Variants in FAM76B observed in about 807,000 individuals in gnomAD.
FAM76B encodes the protein family with sequence similarity 76 member B.
FAM76B carries 16 observed loss-of-function variants against 51.8 expected under a neutral mutation model. The observed-to-expected ratio is 0.31, with a 90% CI of 0.21 to 0.47. The LOEUF (loss-of-function observed/expected upper bound fraction) is 0.47, where lower values mean the gene tolerates loss of function less well. FAM76B is among the 20% of genes least tolerant of loss of function. The probability of loss-of-function intolerance (pLI) is 1.00; values close to 1 mark genes in which losing one functional copy is unlikely to be tolerated. For missense variants in FAM76B, 342 were observed against 392.6 expected, an observed-to-expected ratio of 0.87 and a Z score of 1.09; for synonymous variants, 166 against 129.5, an observed-to-expected ratio of 1.28 and a Z score of -1.91.
Position 95,783,258 on chromosome 11 carries a change from C to T in FAM76B, c.370G>A (p.Gly124Arg), listed in dbSNP as rs1860372699. ...GTACAGAGCCAGCATAATAACTTTC[C>T]ATCAACCTTTTAAGAAAATGTGTTA... ...RKEEGRRKVD[G>R]KLLCWLCTLS... Residue 124 changes from glycine (G) to arginine (R), a missense_variant, in exon 5 of 10, where the codon GGA becomes AGA. Gly to Arg is a moderately radical substitution (Grantham distance 125). Transcript: ENST00000358780. 2 of 1,610,856 alleles carry T rather than the reference C, an allele frequency of 1.2e-6. No individual in the cohort carries two copies. Among genetic ancestry groups the T allele is most frequent in the Admixed American group, 1.7e-5 (1 of 59,708 alleles).
intron 9 of FAM76B, 112 bp from the exon 10 acceptor site, chr11:95,771,762 G>C (rs117505137): frequency 0.016 from 12,500 of 777,472 alleles, 541 homozygotes; most frequent in Admixed American, 0.12. Flanking sequence ...TTTCACTAAA[G>C]CACTAACATT....
chr11:95,784,594 T>A (rs1044491965), intron 4 of FAM76B, among the ~76,000 whole-genome samples: 38 of 137,014 alleles, frequency 2.8e-4, no homozygotes, highest in African/African-American at 6.5e-4. Context: ...ACACACACAA[T>A]TTTTTTTTTT....
Position 95,787,678 on chromosome 11 carries a change from G to A in FAM76B, c.153C>T (p.Ser51=). The A allele has an allele frequency of 6.2e-7, 1 of 1,603,686 alleles. No individual in the cohort carries two copies. The highest frequency in any genetic ancestry group is 8.5e-7 in the Non-Finnish European group (1 of 1,173,252). Residue 51 remains serine, a splice_region_variant and synonymous_variant, in exon 3 of 10, where the codon AGC becomes AGT. Transcript: ENST00000358780. The part of the protein sequence containing the change: ...TYCRSEFQQE[S]KTNTICKKCA... ...ACTTCTTACAAATTGTGTTAGTTTTGCTGAAAAATAAATTGTATATAGATC... is the reference window on the plus strand; with the variant it reads ...ACTTCTTACAAATTGTGTTAGTTTTACTGAAAAATAAATTGTATATAGATC...
intron 9 of FAM76B, among the ~76,000 whole-genome samples, chr11:95,772,149 C>T (rs1287251225): frequency 6.6e-6 from 1 of 151,058 alleles, no homozygotes; most frequent in Non-Finnish European, 1.5e-5. Context: ...GCAAAAACAA[C>T]TCAGAATTTG....
chr11:95,788,594 T>C (rs1860744457), intron 1 of FAM76B, 31 bp from the exon 2 acceptor site: 1 of 1,581,938 alleles, frequency 6.3e-7, no homozygotes, highest in Non-Finnish European at 8.6e-7. Flanking sequence ...AGTCAGTATC[T>C]TTCTGAAAGT....
chr11:95,787,797 T>C (rs1565297823), intron 2 of FAM76B, 119 bp from the exon 3 acceptor site: 2 of 786,180 alleles, frequency 2.5e-6, no homozygotes, highest in Non-Finnish European at 4.0e-6. Flanking sequence ...GGACCACGGA[T>C]TTTTTTCAAA....
Position 95,787,649 on chromosome 11 carries a change from G to C in FAM76B, c.182C>G (p.Ala61Gly). 6.2e-7 allele frequency: 1 copy of C among 1,610,414 alleles called. No individual in the cohort carries two copies. The highest frequency in any genetic ancestry group is 8.5e-7 in the Non-Finnish European group (1 of 1,177,676). The change falls in exon 3 of 10, where the codon GCT becomes GGT. Residue 61 changes from alanine (A) to glycine (G), a missense_variant. By Grantham distance (60) the Ala-to-Gly change is moderately conservative. Around this residue, in one of 3 missense-constraint regions of FAM76B, gnomAD observed 96 missense variants for 94.7 expected, o/e 1.01. Coordinates refer to ENST00000358780, the MANE Select transcript of FAM76B (RefSeq NM_144664.5). ...CGTCCCAAATTGCTTCACATTTTGA[G>C]CACACTTCTTACAAATTGTGTTAGT... ...SKTNTICKKCAQNVKQFGTPK... is the reference protein window; with the variant it reads ...SKTNTICKKCGQNVKQFGTPK...
intron 4 of FAM76B, among the ~76,000 whole-genome samples, chr11:95,784,126 T>A (rs1266544915): frequency 6.6e-6 from 1 of 152,150 alleles, no homozygotes; most frequent in African/African-American, 2.4e-5. Context: ...AACAAGATCA[T>A]GTCCCTTCCA....
intron 7 of FAM76B, chr11:95,779,329 T>C (rs908089893): frequency 7.1e-5 from 36 of 509,192 alleles, no homozygotes; most frequent in Non-Finnish European, 1.7e-5. Flanking sequence ...AGATTTGTGT[T>C]TCACTGAAGA....
At chr11:95,779,997 C>A in intron 5 of FAM76B, 71 bp from the exon 6 acceptor site, 1 of 1,362,430 alleles carries the variant, frequency 7.3e-7, no homozygotes, top group Non-Finnish European at 1.0e-6. Flanking sequence ...AACATTCTTT[C>A]TCAATGGATA....
intron 4 of FAM76B, among the ~76,000 whole-genome samples, chr11:95,785,738 T>C (rs1860535433): frequency 6.6e-6 from 1 of 152,222 alleles, no homozygotes. Flanking sequence ...TATGAGCCTT[T>C]ATCAAAAGGC....
intron 1 of FAM76B, 155 bp downstream of exon 1, chr11:95,789,237 C>G (rs1860829347): frequency 1.0e-6 from 1 of 989,890 alleles, no homozygotes; most frequent in African/African-American, 1.6e-5. Flanking sequence ...TGTTCAAGCC[C>G]CCAGAAAAAG....
chr11:95,781,817 T>C (rs2120251504), intron 5 of FAM76B, among the ~76,000 whole-genome samples: 1 of 151,758 alleles, frequency 6.6e-6, no homozygotes, highest in African/African-American at 2.4e-5. Flanking sequence ...ACTGCCACAT[T>C]TAGAAAACAC....
intron 5 of FAM76B, among the ~76,000 whole-genome samples, chr11:95,780,617 T>C (rs972892042): frequency 2.0e-5 from 3 of 151,996 alleles, no homozygotes; most frequent in Admixed American, 2.0e-4. Flanking sequence ...CCTCCTAAAC[T>C]TGCATATCAG....
chr11:95,784,293 G>A (rs1860432245), intron 4 of FAM76B, among the ~76,000 whole-genome samples: 2 of 152,082 alleles, frequency 1.3e-5, no homozygotes, highest in Admixed American at 1.3e-4. Context: ...ATCAGATGGT[G>A]GAGGGTAGAA....
Position 95,771,667 on chromosome 11 carries a change from C to A in FAM76B, c.931-17G>T. The A allele has an allele frequency of 6.3e-7, 1 of 1,584,040 alleles. No individual in the cohort carries two copies. The highest frequency in any genetic ancestry group is 8.6e-7 in the Non-Finnish European group (1 of 1,156,720). ...GTTTTTGGCCTGTGGGAGACAAAAA[C>A]ATTCAAGATTAAAAATGTTTGAAAT... On this transcript the variant is annotated splice_polypyrimidine_tract_variant and intron_variant, in intron 9 of 9. Coordinates refer to ENST00000358780, the MANE Select transcript of FAM76B (RefSeq NM_144664.5).
chr11:95,776,120 A>G (rs1859995850), intron 8 of FAM76B, 97 bp from the exon 9 acceptor site: 1 of 617,942 alleles, frequency 1.6e-6, no homozygotes, highest in Non-Finnish European at 2.5e-6. Context: ...TTTCATTACA[A>G]AAGTAGAAGA....
intron 2 of FAM76B, 42 bp from the exon 3 acceptor site, chr11:95,787,720 C>T (rs1312041816): frequency 6.7e-7 from 1 of 1,488,642 alleles, no homozygotes; most frequent in Admixed American, 1.9e-5. Context: ...ATGTAGCTTT[C>T]TAAAGTAATT....
At chr11:95,787,049 C>G (rs1860631288) in intron 3 of FAM76B, among the ~76,000 whole-genome samples, 2 of 152,106 alleles carry the variant, frequency 1.3e-5, no homozygotes, top group South Asian at 4.1e-4. Flanking sequence ...GATAAGTTCT[C>G]CATAACCAAG....
Sources: allele counts gnomAD v4.1 joint callset (sites outside exome capture counted in the v4.1 genomes callset), GRCh38; gene constraint gnomAD v4.1.1; regional missense constraint gnomAD v4.1.1; transcripts MANE v1.5; gene names NCBI Gene and HGNC (gene_info 2026-07-23, HGNC 2026-07-21).